Variants in MYO15B observed in about 807,000 individuals in gnomAD.
MYO15B encodes myosin XVB.
In MYO15B, 207 loss-of-function variants were observed where a neutral mutation model predicts 119.3. The ratio of observed to expected loss-of-function variants is 1.73; its 90% CI spans 1.55 to 1.95. MYO15B has a LOEUF of 1.95. Ranked by LOEUF, MYO15B falls within the 30% of genes most tolerant of loss-of-function variation. MYO15B has a pLI of 0.00. For missense variants in MYO15B, 2,264 were observed against 1,203.1 expected, an observed-to-expected ratio of 1.88 and a Z score of -13.04; for synonymous variants, 966 against 498.9, an observed-to-expected ratio of 1.94 and a Z score of -12.48.
At chr17:75,615,699 C>G (rs987569819) in exon 36 of MYO15B, 1 of 681,328 alleles carries the variant, frequency 1.5e-6, no homozygotes, top group African/African-American at 1.8e-5. Context: ...TCAGGCCCAG[C>G]AGATGACAGC....
exon 41 of MYO15B, chr17:75,617,097 A>C (rs2148047680): frequency 1.5e-6 from 1 of 675,188 alleles, no homozygotes; most frequent in Non-Finnish European, 2.7e-6. Flanking sequence ...GCTGTCCCCC[A>C]GCCCAGGAAA....
In MYO15B at chr17:75,596,672, G is replaced by A. The variant is rs1219566705; in HGVS notation, c.3394-96G>A. On this transcript the variant is annotated intron_variant, in intron 13 of 63. Coordinates refer to ENST00000645453, the Ensembl canonical transcript of MYO15B. ...CTCTGCCTGGAAGGCCCCTTTCCAT[G>A]AGGTGTCTCAGTCTTCTGAGCCTCA... The A allele has an allele frequency of 1.0e-5, 7 of 673,342 alleles. No individual in the cohort carries two copies. In the African/African-American group the frequency reaches 1.2e-4, roughly 12 times the overall value. 41.7% of individuals were successfully genotyped at this position (673,342 alleles called of 1,614,324 possible).
exon 36 of MYO15B, chr17:75,615,829 C>T (rs544769069): frequency 4.0e-5 from 28 of 702,482 alleles, no homozygotes; most frequent in South Asian, 3.1e-4. Context: ...AGGAAGCCCC[C>T]CACACCCCCG....
intron 14 of MYO15B, among the ~76,000 whole-genome samples, chr17:75,597,711 G>A (rs2056959119): frequency 6.6e-6 from 1 of 152,022 alleles, no homozygotes; most frequent in East Asian, 1.9e-4. Context: ...GATCCCTTGA[G>A]CCCAGGAGCT....
chr17:75,588,386 T>C (rs2056196166), exon 1 of MYO15B: 1 of 398,358 alleles, frequency 2.5e-6, no homozygotes, highest in Middle Eastern at 6.3e-4. Flanking sequence ...GGGGGGCGCC[T>C]GGAGGAGGGA....
In MYO15B at chr17:75,606,109, T is replaced by C. The variant is rs943595895; in HGVS notation, c.4292+88T>C. ...GTGGTGGGGCAGGGTTGGGGAAACA[T>C]AGGGCCTCAAGGCAAGTCATCCTGC... On this transcript the variant is annotated intron_variant, in intron 21 of 63. Transcript: ENST00000645453. The C allele has an allele frequency of 1.0e-4, 62 of 601,064 alleles. 1 individual carries two copies. Among genetic ancestry groups the C allele is most frequent in the South Asian group, 7.6e-4 (40 of 52,830 alleles). 37.2% of individuals were successfully genotyped at this position (601,064 alleles called of 1,614,324 possible). A position where few individuals can be genotyped will look rare whatever the true frequency, so the allele number is the denominator to read the frequency against.
intron 49 of MYO15B, 48 bp from the exon 50 acceptor site, chr17:75,620,972 AGGACCCCTGGG>A (rs2058674389): frequency 1.4e-6 from 1 of 702,738 alleles, no homozygotes; most frequent in Non-Finnish European, 2.6e-6. Context: ...GGGCTGGGGC[AGGACCCCTGGG>A]ACAGGGCACT....
chr17:75,602,477 C>T lies in MYO15B; in HGVS notation c.3652-40C>T, dbSNP rs1305716102. The T allele has an allele frequency of 5.7e-6, 4 of 702,878 alleles. No individual in the cohort carries two copies. In the Admixed American group the frequency reaches 6.0e-5, roughly 11 times the overall value. The allele number at this position is 702,878 out of a possible 1,614,324, so 43.5% of individuals were successfully genotyped here. On this transcript the variant is annotated intron_variant, in intron 15 of 63. Coordinates refer to ENST00000645453, the Ensembl canonical transcript of MYO15B. ...CCCTCCTTGGTTCCTGTTCTCCTCCCTTTCTCCACTTCCCTCCCCACCTGC... is the reference window on the plus strand; with the variant it reads ...CCCTCCTTGGTTCCTGTTCTCCTCCTTTTCTCCACTTCCCTCCCCACCTGC...
intron 21 of MYO15B, chr17:75,606,911 C>T (rs1482457737): frequency 5.0e-6 from 2 of 398,428 alleles, no homozygotes; most frequent in Non-Finnish European, 8.8e-6. Flanking sequence ...CTCACCTAAT[C>T]ATCTCTTTTT....
Position 75,617,082 on chromosome 17 carries a change from C to T in MYO15B, c.6595-3C>T, listed in dbSNP as rs767406853. 1.2e-5 allele frequency: 8 copies of T among 681,652 alleles called. No individual in the cohort carries two copies. Among genetic ancestry groups the T allele is most frequent in the Non-Finnish European group, 1.6e-5 (6 of 371,026 alleles). 42.2% of individuals were successfully genotyped at this position (681,652 alleles called of 1,614,324 possible). A position where few individuals can be genotyped will look rare whatever the true frequency, so the allele number is the denominator to read the frequency against. On this transcript the variant is annotated splice_polypyrimidine_tract_variant and splice_region_variant and intron_variant, in intron 40 of 63. Coordinates refer to ENST00000645453, the Ensembl canonical transcript of MYO15B. ...CCCGTGTACTTTCTCCGTATCCCCC[C>T]AGATGCTGTCCCCCAGCCCAGGAAA...
Position 75,596,570 on chromosome 17 carries a change from C to T in MYO15B, c.3393+15C>T, listed in dbSNP as rs980185856. ...CCCAGGAGGAGGTAAGAGGATTGGG[C>T]GTGGACGTGGCAGGGGCCGCTCAGG... On this transcript the variant is annotated intron_variant, in intron 13 of 63. Coordinates refer to ENST00000645453, the Ensembl canonical transcript of MYO15B. The T allele has an allele frequency of 1.4e-5, 10 of 702,788 alleles. No homozygotes were observed. Among genetic ancestry groups the T allele is most frequent in the East Asian group, 8.0e-5 (3 of 37,302 alleles). The allele number at this position is 702,788 out of a possible 1,614,324, so 43.5% of individuals were successfully genotyped here.
exon 38 of MYO15B, chr17:75,616,433 G>A (rs974824584): frequency 1.6e-6 from 1 of 633,172 alleles, no homozygotes; most frequent in South Asian, 1.8e-5. Context: ...AGCAAGAAGT[G>A]GAAACAAGAG....
At chr17:75,597,013 G>A (rs1598737602) in intron 14 of MYO15B, 114 bp downstream of exon 14, 2 of 596,630 alleles carry the variant, frequency 3.4e-6, no homozygotes, top group Non-Finnish European at 6.0e-6. Context: ...GGGATCCAGC[G>A]ACCCTGATCA....
intron 21 of MYO15B, among the ~76,000 whole-genome samples, chr17:75,609,464 C>T (rs904370526): frequency 4.7e-5 from 7 of 149,644 alleles, no homozygotes; most frequent in South Asian, 2.1e-4. Flanking sequence ...CATGAGCTAC[C>T]GTACCAAGCT....
chr17:75,600,968 A>G lies in MYO15B; in HGVS notation c.3526-470A>G, dbSNP rs146553740. Among the ~76,000 whole-genome samples, 553 of 138,920 alleles carry G rather than the reference A, an allele frequency of 4.0e-3. 7 individuals carry two copies. The highest frequency in any genetic ancestry group is 0.014 in the African/African-American group (518 of 36,434). 91.1% of individuals were successfully genotyped at this position (138,920 alleles called of 152,430 possible). A position where few individuals can be genotyped will look rare whatever the true frequency, so the allele number is the denominator to read the frequency against. ...ACCCAGGCTGTAGTGCAATGGTGCC[A>G]TCGTGGCTCACTGCAACCTCCGCCT... On this transcript the variant is annotated intron_variant, in intron 14 of 63. Transcript: ENST00000645453.
At chr17:75,626,540 C>G in exon 64 of MYO15B, 1 of 702,202 alleles carries the variant, frequency 1.4e-6, no homozygotes, top group Non-Finnish European at 2.6e-6. Flanking sequence ...CCAAGTCTCA[C>G]CCACATGGTC....
At chr17:75,607,431 AATTATT>A (rs71721337) in intron 21 of MYO15B, among the ~76,000 whole-genome samples, 1,948 of 140,316 alleles carry the variant, frequency 0.014, 25 homozygotes, top group Middle Eastern at 0.079. Flanking sequence ...GTTAATAATT[AATTATT>A]ATTATTATTA....
At chr17:75,618,024 GC>G in intron 42 of MYO15B, 101 bp from the exon 43 acceptor site, 1 of 692,290 alleles carries the variant, frequency 1.4e-6, no homozygotes, top group Non-Finnish European at 2.7e-6. Context: ...CCTCCCCACA[GC>G]CCACCATCTC....
At chr17:75,620,943 G>A in intron 49 of MYO15B, 88 bp from the exon 50 acceptor site, 1 of 702,666 alleles carries the variant, frequency 1.4e-6, no homozygotes, top group Non-Finnish European at 2.6e-6. Flanking sequence ...CTCCTTTGGT[G>A]TCTGGCTGGG....
Sources: gnomAD v4.1 joint callset for allele counts (sites outside exome capture counted in the v4.1 genomes callset) on GRCh38, gnomAD v4.1.1 for gene constraint, MANE v1.5 for transcripts, NCBI Gene and HGNC (gene_info 2026-07-23, HGNC 2026-07-21) for gene names.